The following DAB1 variants were observed in gnomAD, a reference collection of about 807,000 sequenced individuals.
DAB1 encodes the protein disabled homolog 1.
A neutral mutation model predicts 64.6 loss-of-function variants in DAB1; 15 were observed. The observed-to-expected ratio is 0.23, with a 90% CI of 0.16 to 0.36. The LOEUF is 0.36. DAB1 is among the 10% of genes least tolerant of loss of function. DAB1 has a pLI of 1.00. For missense variants in DAB1, 596 were observed against 706.7 expected (o/e 0.84, Z 1.78); for synonymous variants, 235 against 251.9 (o/e 0.93, Z 0.64).
intron 7 of DAB1, among the ~76,000 whole-genome samples, chr1:57,595,633 C>G (rs76705634): frequency 6.6e-6 from 1 of 151,926 alleles, no homozygotes. Flanking sequence ...TGTTCCCCCC[C>G]CACCCCCCAA....
At chr1:58,380,858 A>C (rs1007219848) in intron 3 of DAB1, among the ~76,000 whole-genome samples, 9 of 152,368 alleles carry the variant, frequency 5.9e-5, no homozygotes, top group Admixed American at 3.3e-4. Context: ...TCATTGCAGT[A>C]CTAGTCACAA....
intron 1 of DAB1, among the ~76,000 whole-genome samples, chr1:57,361,495 T>C (rs376126149): frequency 2.6e-5 from 4 of 152,300 alleles, no homozygotes; most frequent in Admixed American, 2.0e-4. Context: ...AAAAGGATTG[T>C]TCATCTGCAT....
intron 7 of DAB1, among the ~76,000 whole-genome samples, chr1:57,620,305 AG>A (rs1255875609): frequency 6.6e-6 from 1 of 152,106 alleles, no homozygotes; most frequent in Admixed American, 6.5e-5. Flanking sequence ...TCTCTTACAT[AG>A]GTACATATGG....
intron 2 of DAB1, among the ~76,000 whole-genome samples, chr1:57,184,876 C>T (rs1351616964): frequency 2.0e-5 from 3 of 152,144 alleles, no homozygotes; most frequent in East Asian, 1.9e-4. Flanking sequence ...CAGTTATGCT[C>T]TCACCCACTG....
intron 7 of DAB1, among the ~76,000 whole-genome samples, chr1:57,608,112 C>T (rs550340020): frequency 1.1e-4 from 16 of 152,290 alleles, no homozygotes; most frequent in African/African-American, 3.9e-4. Flanking sequence ...CTACACCTCC[C>T]ACCCCCTGGG....
chr1:57,535,967 A>G (rs1456766880), intron 7 of DAB1, among the ~76,000 whole-genome samples: 4 of 152,170 alleles, frequency 2.6e-5, no homozygotes, highest in Admixed American at 6.5e-5. Context: ...CTCCCCTTAG[A>G]TACTTCTGAA....
intron 7 of DAB1, among the ~76,000 whole-genome samples, chr1:57,490,919 G>C (rs1264101322): frequency 6.6e-6 from 1 of 152,146 alleles, no homozygotes; most frequent in East Asian, 1.9e-4. Context: ...TAACATACAG[G>C]TAGAATTTTT....
intron 5 of DAB1, among the ~76,000 whole-genome samples, chr1:58,101,519 T>G (rs1290952540): frequency 6.6e-6 from 1 of 152,030 alleles, no homozygotes; most frequent in Non-Finnish European, 1.5e-5. Flanking sequence ...GAATAGTGGA[T>G]GAGGGAGCCT....
intron 5 of DAB1, among the ~76,000 whole-genome samples, chr1:58,070,163 C>T (rs761120142): frequency 3.3e-5 from 5 of 152,142 alleles, no homozygotes; most frequent in South Asian, 2.1e-4. Context: ...AACTGTGATG[C>T]GGGGAGTGGC....
chr1:57,023,557 G>T lies in DAB1; in HGVS notation c.869C>A (p.Pro290His). Residue 290 changes from proline to histidine, a missense_variant, in exon 11 of 15, where the codon CCT becomes CAT. By Grantham distance (77) the Pro-to-His change is moderately conservative (BLOSUM62 -2). Around this residue, in one of 3 missense-constraint regions of DAB1, gnomAD observed 377 missense variants for 400.4 expected, o/e 0.94. Transcript: ENST00000371236. ...PASADVFSSV[P>H]FGTAAVPSGY... ...TGAGGGTACAGCAGCAGTGCCGAAA[G>T]GTACAGAACTAAACACATCTGCACT... 1 of 1,609,380 alleles carries T rather than the reference G, an allele frequency of 6.2e-7. No individual in the cohort carries two copies. The highest frequency in any genetic ancestry group is 1.7e-4 in the Middle Eastern group (1 of 6,058).
chr1:57,168,488 T>C (rs1258997138), intron 2 of DAB1, among the ~76,000 whole-genome samples: 2 of 152,174 alleles, frequency 1.3e-5, no homozygotes, highest in Non-Finnish European at 2.9e-5. Flanking sequence ...CCCATATGTC[T>C]TCACATCTGT....
At chr1:57,450,585 C>T (rs958837857) in intron 7 of DAB1, among the ~76,000 whole-genome samples, 2 of 152,200 alleles carry the variant, frequency 1.3e-5, no homozygotes, top group African/African-American at 4.8e-5. Flanking sequence ...GTATTGCTCA[C>T]AGGCTATACA....
chr1:58,017,655 A>G (rs552360215), intron 5 of DAB1, among the ~76,000 whole-genome samples: 3 of 152,314 alleles, frequency 2.0e-5, no homozygotes, highest in Non-Finnish European at 2.9e-5. Flanking sequence ...TCAAGCTGGA[A>G]CTATGCTACC....
rs114046747 is a variant in DAB1, at chr1:58,373,016, T to C, written n.258-29613A>G. Among the ~76,000 whole-genome samples, 1,407 of 152,306 alleles carry C rather than the reference T, an allele frequency of 9.2e-3. 20 individuals are homozygous for C. The highest frequency in any genetic ancestry group is 0.032 in the African/African-American group (1,326 of 41,582). On this transcript the variant is annotated intron_variant and non_coding_transcript_variant, in intron 3 of 20. Transcript: ENST00000485760. ...GAAAAAAACCTGAAAGCAAATATTT[T>C]AAAATGTTAATAATTCTTAATTCTC...
chr1:58,433,375 G>A (rs1167837227), intron 3 of DAB1, among the ~76,000 whole-genome samples: 3 of 152,056 alleles, frequency 2.0e-5, no homozygotes, highest in Non-Finnish European at 4.4e-5. Flanking sequence ...TCAAGAAGTG[G>A]GGGGTGTCTT....
chr1:57,264,613 G>A (rs1292490886), intron 2 of DAB1, among the ~76,000 whole-genome samples: 1 of 152,176 alleles, frequency 6.6e-6, no homozygotes, highest in Non-Finnish European at 1.5e-5. Flanking sequence ...GTGATGTCCT[G>A]TACCTTAAAC....
At chr1:57,400,993 T>A (rs1570453259) in intron 1 of DAB1, among the ~76,000 whole-genome samples, 4 of 137,874 alleles carry the variant, frequency 2.9e-5, no homozygotes, top group African/African-American at 2.7e-5. Context: ...AGCTCTCTCT[T>A]AAAAAAAAAA....
intron 6 of DAB1, among the ~76,000 whole-genome samples, chr1:57,812,031 C>A (rs571254527): frequency 1.3e-5 from 2 of 152,260 alleles, no homozygotes; most frequent in South Asian, 4.1e-4. Flanking sequence ...CCCACCTAGC[C>A]TCTGAAGCCT....
At chr1:57,203,691 G>A (rs1052612523) in intron 2 of DAB1, among the ~76,000 whole-genome samples, 1 of 152,146 alleles carries the variant, frequency 6.6e-6, no homozygotes, top group African/African-American at 2.4e-5. Flanking sequence ...TTGCTTTTGT[G>A]ACCTCTGCAC....
Sources: allele counts gnomAD v4.1 joint callset (sites outside exome capture counted in the v4.1 genomes callset), GRCh38; gene constraint gnomAD v4.1.1; regional missense constraint gnomAD v4.1.1; transcripts MANE v1.5; gene names NCBI Gene and HGNC (gene_info 2026-07-23, HGNC 2026-07-21).